The following DIAPH3 variants were observed in gnomAD, a reference collection of about 807,000 sequenced individuals.
DIAPH3 encodes diaphanous related formin 3.
DIAPH3 carries 117 observed loss-of-function variants against 144.3 expected under a neutral mutation model. That is an observed-to-expected ratio of 0.81 (90% confidence interval 0.70 to 0.95). DIAPH3 has a LOEUF of 0.95. Ranked by LOEUF, DIAPH3 falls within the 40% of genes least tolerant of loss-of-function variation. The probability of loss-of-function intolerance (pLI) is 0.00; values close to 1 mark genes in which losing one functional copy is unlikely to be tolerated. For missense variants in DIAPH3, 1,421 were observed against 1,412.7 expected (o/e 1.01, Z -0.09); for synonymous variants, 519 against 488.9 (o/e 1.06, Z -0.81).
chr13:60,141,387 C>T (rs2059422841), intron 1 of DIAPH3, among the ~76,000 whole-genome samples: 2 of 152,146 alleles, frequency 1.3e-5, no homozygotes. Context: ...AGTCTCTCCC[C>T]TTACAAGCTT....
intron 4 of DIAPH3, among the ~76,000 whole-genome samples, chr13:60,044,032 T>C (rs2055884434): frequency 6.6e-6 from 1 of 152,070 alleles, no homozygotes. Flanking sequence ...AATGCTGTGA[T>C]GGAGGGAACT....
chr13:59,987,335 G>A, intron 12 of DIAPH3, among the ~76,000 whole-genome samples: 1 of 151,464 alleles, frequency 6.6e-6, no homozygotes, highest in Non-Finnish European at 1.5e-5. Context: ...TGGGGTGGGG[G>A]GAGTGGGGAG....
intron 3 of DIAPH3, among the ~76,000 whole-genome samples, chr13:60,105,128 G>A (rs1243194864): frequency 1.3e-5 from 1 of 76,474 alleles, no homozygotes. Context: ...AAAAAAAACT[G>A]CCAGTGATGA....
intron 23 of DIAPH3, 132 bp downstream of exon 23, chr13:59,839,192 A>T: frequency 9.7e-7 from 1 of 1,027,248 alleles, no homozygotes; most frequent in African/African-American, 1.6e-5. Context: ...CCCTGCAAGA[A>T]GGCAAAGGTT....
rs759699441 is a variant in DIAPH3 at position 60,132,998 on chromosome 13, T to TA, written c.181-10dup. The TA allele has an allele frequency of 6.6e-5, 105 of 1,596,038 alleles. No individual in the cohort carries two copies. The highest frequency in any genetic ancestry group is 1.7e-4 in the Middle Eastern group (1 of 6,022). Reference sequence around the variant, plus strand: ...GTCCTAATATTTAAATGCTGCAAATTAAAAAAAAGCAATCATATTAGTAAT... The same window carrying TA: ...GTCCTAATATTTAAATGCTGCAAATTAAAAAAAAAGCAATCATATTAGTAAT... On this transcript the variant is annotated splice_polypyrimidine_tract_variant and intron_variant, in intron 1 of 27. Transcript: ENST00000400324.
intron 27 of DIAPH3, among the ~76,000 whole-genome samples, chr13:59,762,197 G>A (rs1340405169): frequency 6.6e-6 from 1 of 151,456 alleles, no homozygotes; most frequent in East Asian, 1.9e-4. Flanking sequence ...GAGTAGCTGG[G>A]ACTACAGGTG....
At chr13:60,143,051 T>C (rs1016832636) in intron 1 of DIAPH3, among the ~76,000 whole-genome samples, 9 of 152,032 alleles carry the variant, frequency 5.9e-5, no homozygotes, top group African/African-American at 2.2e-4. Context: ...GTCCACCTCA[T>C]CCGGCCAGCC....
chr13:59,863,176 A>T (rs552853750), intron 21 of DIAPH3, among the ~76,000 whole-genome samples: 1 of 152,282 alleles, frequency 6.6e-6, no homozygotes, highest in South Asian at 2.1e-4. Flanking sequence ...GTGTTGGGAT[A>T]GAAAGTATTG....
intron 25 of DIAPH3, among the ~76,000 whole-genome samples, chr13:59,792,607 T>C (rs2039386282): frequency 6.6e-6 from 1 of 152,182 alleles, no homozygotes; most frequent in Non-Finnish European, 1.5e-5. Context: ...TCCAATAACT[T>C]GAATTCATAC....
chr13:59,844,440 C>T (rs1593643097), intron 22 of DIAPH3, among the ~76,000 whole-genome samples: 1 of 149,024 alleles, frequency 6.7e-6, no homozygotes, highest in Non-Finnish European at 1.5e-5. Flanking sequence ...GGAGGCAAAG[C>T]TTGCAGTGAG....
In DIAPH3 at chr13:59,774,236, C is replaced by G. The variant is rs1013255520; in HGVS notation, c.3272G>C (p.Ser1091Thr). The change falls in exon 27 of 28, where the codon AGT (serine) becomes ACT (threonine). Residue 1091 changes from serine (S) to threonine (T), a missense_variant. Ser to Thr is a moderately conservative substitution (Grantham distance 58). Coordinates refer to ENST00000400324, the MANE Select transcript of DIAPH3 (RefSeq NM_001042517.2). Reference sequence around the variant, plus strand: ...AGGCCTCTGAGACATTGGACTGAGACTCTGCCGAACATCTGTTAAAAAAAA... The same window carrying G: ...AGGCCTCTGAGACATTGGACTGAGAGTCTGCCGAACATCTGTTAAAAAAAA... ...RTPMPKDVRQ[S>T]LSPMSQRPVL... is the part of the protein sequence containing the mutation. 1.2e-6 allele frequency: 2 copies of G among 1,612,348 alleles called. No homozygotes were observed. Among genetic ancestry groups the G allele is most frequent in the African/African-American group, 2.7e-5 (2 of 74,780 alleles).
intron 18 of DIAPH3, among the ~76,000 whole-genome samples, chr13:59,924,499 A>G (rs1193912432): frequency 6.6e-6 from 1 of 151,958 alleles, no homozygotes; most frequent in Non-Finnish European, 1.5e-5. Flanking sequence ...TATACTTTAA[A>G]AAAAGGGACT....
intron 17 of DIAPH3, among the ~76,000 whole-genome samples, chr13:59,969,418 A>G (rs913108477): frequency 1.3e-5 from 2 of 152,152 alleles, no homozygotes; most frequent in Non-Finnish European, 2.9e-5. Flanking sequence ...AAGTTCTGGG[A>G]TACATGTGCA....
chr13:60,008,813 C>T (rs1163326595), intron 8 of DIAPH3, among the ~76,000 whole-genome samples, 164 bp from the exon 9 acceptor site: 1 of 152,200 alleles, frequency 6.6e-6, no homozygotes, highest in East Asian at 1.9e-4. Flanking sequence ...AAGCATGTTA[C>T]ATTTTAATCA....
At chr13:59,835,620 C>T (rs1292988751) in intron 23 of DIAPH3, among the ~76,000 whole-genome samples, 3 of 151,642 alleles carry the variant, frequency 2.0e-5, no homozygotes, top group African/African-American at 4.8e-5. Flanking sequence ...AAGTGGAACA[C>T]AGGCAAGAAA....
intron 4 of DIAPH3, among the ~76,000 whole-genome samples, chr13:60,052,811 A>AC (rs2056399599): frequency 6.6e-6 from 1 of 151,746 alleles, no homozygotes; most frequent in Non-Finnish European, 1.5e-5. Flanking sequence ...AAATACAAAA[A>AC]TTAGCCAGGT....
At chr13:59,707,588 T>A (rs938439053) in intron 27 of DIAPH3, among the ~76,000 whole-genome samples, 1 of 152,224 alleles carries the variant, frequency 6.6e-6, no homozygotes, top group African/African-American at 2.4e-5. Flanking sequence ...GAAGAGCTGA[T>A]GATACATTTC....
At chr13:60,019,144 CAG>C (rs913705193) in intron 5 of DIAPH3, among the ~76,000 whole-genome samples, 5 of 152,062 alleles carry the variant, frequency 3.3e-5, no homozygotes, top group African/African-American at 1.2e-4. Flanking sequence ...GTAGTCTTGA[CAG>C]AGGTTTATTG....
chr13:60,096,562 G>A (rs555021595), intron 3 of DIAPH3, among the ~76,000 whole-genome samples: 3 of 152,304 alleles, frequency 2.0e-5, no homozygotes, highest in East Asian at 3.9e-4. Context: ...ACGTCTTTCA[G>A]AAGAGATTGG....
Sources: allele counts gnomAD v4.1 joint callset (sites outside exome capture counted in the v4.1 genomes callset), GRCh38; gene constraint gnomAD v4.1.1; transcripts MANE v1.5; gene names NCBI Gene and HGNC (gene_info 2026-07-23, HGNC 2026-07-21).